Variants in BOC observed in about 807,000 individuals in gnomAD.
BOC encodes the protein brother of CDO.
BOC carries 76 observed loss-of-function variants against 112.0 expected under a neutral mutation model. That is an observed-to-expected ratio of 0.68 (90% confidence interval 0.56 to 0.82). BOC has a LOEUF of 0.82. BOC is among the 40% of genes least tolerant of loss of function. The pLI, the probability that BOC is intolerant of heterozygous loss-of-function variation, is 0.00. For missense variants in BOC, 1,309 were observed against 1,511.7 expected (o/e 0.87, Z 2.22); for synonymous variants, 580 against 599.8 (o/e 0.97, Z 0.48).
chr3:113,286,920 A>G lies in BOC; in HGVS notation c.*58A>G, dbSNP rs533103833. Reference sequence around the variant, plus strand: ...TGTTTTTTTTTTAAAAAAAAAAAGAAGAAAAAAGAGACAGAGAAAATTGGT... The same window carrying G: ...TGTTTTTTTTTTAAAAAAAAAAAGAGGAAAAAAGAGACAGAGAAAATTGGT... On this transcript the variant is annotated 3_prime_UTR_variant, in exon 20 of 20. Coordinates refer to ENST00000682979, the MANE Select transcript of BOC (RefSeq NM_001378074.1). 2 of 1,427,170 alleles carry G rather than the reference A, an allele frequency of 1.4e-6. No individual in the cohort carries two copies. The highest frequency in any genetic ancestry group is 2.4e-5 in the Admixed American group (1 of 42,344). 88.4% of individuals were successfully genotyped at this position (1,427,170 alleles called of 1,614,324 possible).
At chr3:113,224,273 C>T (rs1941270334) in intron 2 of BOC, among the ~76,000 whole-genome samples, 1 of 152,114 alleles carries the variant, frequency 6.6e-6, no homozygotes, top group Non-Finnish European at 1.5e-5. Context: ...GATTGAGGGA[C>T]CTGTTTTGTG....
intron 2 of BOC, among the ~76,000 whole-genome samples, chr3:113,225,694 G>A (rs1941553077): frequency 6.6e-6 from 1 of 152,232 alleles, no homozygotes; most frequent in Admixed American, 6.5e-5. Context: ...CAGCTCTTCA[G>A]AGAAAGAAGT....
chr3:113,284,662 G>A (rs1363386864), intron 17 of BOC, 95 bp downstream of exon 17: 1 of 1,510,142 alleles, frequency 6.6e-7, no homozygotes, highest in African/African-American at 1.4e-5. Flanking sequence ...AGGGTCTCAG[G>A]CTGGGCTGCT....
Position 113,225,495 on chromosome 3 carries a change from T to G in BOC, c.-82+9221T>G, listed in dbSNP as rs546290177. On this transcript the variant is annotated intron_variant, in intron 2 of 19. Coordinates refer to ENST00000682979, the MANE Select transcript of BOC (RefSeq NM_001378074.1). ...CACCACCTCCCCCTCTGGTTTTCTT[T>G]TCTTCATCTGGCCCATTCTCCAATC... 1.4e-3 allele frequency among the ~76,000 whole-genome samples: 208 copies of G among 152,198 alleles called. 1 individual carries two copies. The highest frequency in any genetic ancestry group is 2.6e-3 in the Non-Finnish European group (176 of 68,028).
Position 113,286,909 on chromosome 3 carries a change from A to ATT in BOC, c.*47_*48insTT, listed in dbSNP as rs746836556. 9.8e-6 allele frequency: 14 copies of ATT among 1,429,626 alleles called. No homozygotes were observed. Among genetic ancestry groups the ATT allele is most frequent in the South Asian group, 8.3e-5 (6 of 72,262 alleles). 88.6% of individuals were successfully genotyped at this position (1,429,626 alleles called of 1,614,324 possible). A position where few individuals can be genotyped will look rare whatever the true frequency, so the allele number is the denominator to read the frequency against. ...AGACTATATATTGTTTTTTTTTTAA[A>ATT]AAAAAAAAGAAGAAAAAAGAGACAG... On this transcript the variant is annotated 3_prime_UTR_variant, in exon 20 of 20. Transcript: ENST00000682979.
At position 113,230,177 on chromosome 3, in the gene BOC, T is replaced by C. The variant is rs80302147; in HGVS notation, c.-82+13903T>C. On this transcript the variant is annotated intron_variant, in intron 2 of 19. Coordinates refer to ENST00000682979, the MANE Select transcript of BOC (RefSeq NM_001378074.1). ...TGGTGCATATCACCTGGATCCTAGA[T>C]TCAAAGCGCTGCTACCAATCTTTGG... is the stretch of plus-strand genomic sequence containing the variant. Among the ~76,000 whole-genome samples, 6 of 152,182 alleles carry C rather than the reference T, an allele frequency of 3.9e-5. 1 individual carries two copies. Among genetic ancestry groups the C allele is most frequent in the Non-Finnish European group, 8.8e-5 (6 of 68,036 alleles).
At chr3:113,246,164 G>A (rs763403665) in intron 2 of BOC, among the ~76,000 whole-genome samples, 7 of 152,182 alleles carry the variant, frequency 4.6e-5, no homozygotes, top group Non-Finnish European at 1.0e-4. Context: ...GAGAACATGT[G>A]TGTCAGCAGT....
chr3:113,270,528 C>T, intron 5 of BOC: 1 of 420,518 alleles, frequency 2.4e-6, no homozygotes, highest in East Asian at 4.2e-5. Context: ...CTTCTATTGA[C>T]CTATGCACTA....
At chr3:113,254,182 G>A (rs1945963943) in intron 4 of BOC, among the ~76,000 whole-genome samples, 1 of 152,232 alleles carries the variant, frequency 6.6e-6, no homozygotes, top group Non-Finnish European at 1.5e-5. Context: ...GGCACAGTAA[G>A]AGAAGAAGGG....
In BOC at chr3:113,278,900, C is replaced by A; in HGVS notation, c.1816+117C>A. On this transcript the variant is annotated intron_variant, in intron 11 of 19. Transcript: ENST00000682979. The surrounding 1 kb of genome is among the most constrained non-coding windows in gnomAD (Gnocchi z 4.2). The stretch of plus-strand genomic sequence containing the variant: ...AGGTCCAGGGTTTTTATGACATCTC[C>A]CAGTTAACCACAATGAGGAAATGTA... 1.2e-6 allele frequency: 1 copy of A among 821,874 alleles called. No homozygotes were observed. The allele number at this position is 821,874 out of a possible 1,614,324, so 50.9% of individuals were successfully genotyped here. A position where few individuals can be genotyped will look rare whatever the true frequency, so the allele number is the denominator to read the frequency against.
intron 2 of BOC, among the ~76,000 whole-genome samples, chr3:113,238,106 G>C (rs1943813680): frequency 6.6e-6 from 1 of 152,198 alleles, no homozygotes; most frequent in South Asian, 2.1e-4. Context: ...GCCACAGAAG[G>C]CTTCATAAGA....
chr3:113,247,224 A>G (rs1000674063), intron 2 of BOC, among the ~76,000 whole-genome samples: 5 of 151,778 alleles, frequency 3.3e-5, no homozygotes, highest in African/African-American at 1.2e-4. Context: ...TTTGCTTTCA[A>G]TTTCCTTAAG....
rs554438006 is a variant in BOC at position 113,225,146 on chromosome 3, C to T, written c.-82+8872C>T. Among the ~76,000 whole-genome samples, 20 of 151,958 alleles carry T rather than the reference C, an allele frequency of 1.3e-4. 1 individual carries two copies. In the South Asian group the frequency reaches 3.3e-3, roughly 25 times the overall value. On this transcript the variant is annotated intron_variant, in intron 2 of 19. Transcript: ENST00000682979. ...AAAATAAGTCGGGTGTGGTGGTGCA[C>T]GCCTGTAATCCCAGCTACTCAGGAG...
chr3:113,255,416 A>T (rs1371018801), intron 4 of BOC, among the ~76,000 whole-genome samples: 2 of 152,210 alleles, frequency 1.3e-5, no homozygotes, highest in African/African-American at 4.8e-5. Flanking sequence ...TGGCAGTGGA[A>T]AAGCTGTTCT....
rs909853316 is a variant in BOC, at chr3:113,278,956, T to C, written c.1816+173T>C. 2 of 674,842 alleles carry C rather than the reference T, an allele frequency of 3.0e-6. No homozygotes were observed. Among genetic ancestry groups the C allele is most frequent in the Admixed American group, 2.8e-5 (1 of 36,208 alleles). 41.8% of individuals were successfully genotyped at this position (674,842 alleles called of 1,614,324 possible). A position where few individuals can be genotyped will look rare whatever the true frequency, so the allele number is the denominator to read the frequency against. ...GAGCTTTTTAAATAAAAGGCTGGCA[T>C]TGATGCTGGGATTGCTCACTGGGTG... On this transcript the variant is annotated intron_variant, in intron 11 of 19. Transcript: ENST00000682979. The surrounding 1 kb of genome is among the most constrained non-coding windows in gnomAD (Gnocchi z 4.2).
Position 113,270,940 on chromosome 3 carries a change from G to A in BOC, c.663G>A (p.Val221=), listed in dbSNP as rs1263457389. 3 of 1,614,196 alleles carry A rather than the reference G, an allele frequency of 1.9e-6. No homozygotes were observed. The highest frequency in any genetic ancestry group is 2.2e-5 in the East Asian group (1 of 44,876). ...KTSGSSDRLR[V]RRSTAEAARI... ...CCGGCTCCAGCGACAGGCTACGTGT[G>A]CGCCGTAAGGCCCGGGCCCACCTGC... The change falls in exon 6 of 20, where the codon GTG becomes GTA. Residue 221 remains valine (V), a synonymous_variant. Coordinates refer to ENST00000682979, the MANE Select transcript of BOC (RefSeq NM_001378074.1).
At chr3:113,226,289 G>T (rs886926961) in intron 2 of BOC, among the ~76,000 whole-genome samples, 1 of 152,158 alleles carries the variant, frequency 6.6e-6, no homozygotes, top group African/African-American at 2.4e-5. Context: ...AGCAGGAGGT[G>T]CAGAGAGCGC....
At chr3:113,281,446 T>C (rs1028729618) in intron 15 of BOC, among the ~76,000 whole-genome samples, 4 of 152,188 alleles carry the variant, frequency 2.6e-5, no homozygotes, top group Non-Finnish European at 4.4e-5. Context: ...CCTGCAATGA[T>C]ATTTGGTGCT....
At chr3:113,236,228 A>ATGTGTGTGTGTG (rs765387902) in intron 2 of BOC, among the ~76,000 whole-genome samples, 17 of 78,068 alleles carry the variant, frequency 2.2e-4, no homozygotes, top group Non-Finnish European at 3.3e-4. Flanking sequence ...ATATACGTAT[A>ATGTGTGTGTGTG]TGTGTGTGTG....
Sources: gnomAD v4.1 joint callset for allele counts (sites outside exome capture counted in the v4.1 genomes callset) on GRCh38, gnomAD v4.1.1 for gene constraint, Gnocchi (gnomAD v3.1) non-coding constraint, MANE v1.5 for transcripts, NCBI Gene and HGNC (gene_info 2026-07-23, HGNC 2026-07-21) for gene names.